The following WDR27 variants were observed in gnomAD, a reference collection of about 807,000 sequenced individuals.
WDR27 encodes WD repeat-containing protein 27.
Under a neutral mutation model 114.4 loss-of-function variants are expected in WDR27, and 100 were observed. The ratio of observed to expected loss-of-function variants is 0.87; its 90% confidence interval spans 0.74 to 1.03. WDR27 has a LOEUF of 1.03. Ranked by LOEUF, WDR27 falls within the 50% of genes least tolerant of loss-of-function variation. The pLI, the probability that WDR27 is intolerant of heterozygous loss-of-function variation, is 0.00. For missense variants in WDR27, 1,129 were observed against 1,092.9 expected (o/e 1.03, Z -0.47); for synonymous variants, 449 against 423.1 (o/e 1.06, Z -0.75).
At chr6:169,698,457 A>T (rs1786872493) in intron 1 of WDR27, among the ~76,000 whole-genome samples, 1 of 152,208 alleles carries the variant, frequency 6.6e-6, no homozygotes, top group African/African-American at 2.4e-5. Flanking sequence ...ACATGAGTCC[A>T]GGGCAGCTAA....
intron 25 of WDR27, among the ~76,000 whole-genome samples, chr6:169,519,704 A>G (rs755698153): frequency 6.6e-6 from 1 of 152,052 alleles, no homozygotes; most frequent in Non-Finnish European, 1.5e-5. Context: ...TATCCAAACT[A>G]TATCACCCCC....
Position 169,638,635 on chromosome 6 carries a change from C to T in WDR27, c.1773G>A (p.Val591=), listed in dbSNP as rs781133806. 3 of 1,605,676 alleles carry T rather than the reference C, an allele frequency of 1.9e-6. No individual in the cohort carries two copies. Among genetic ancestry groups the T allele is most frequent in the Non-Finnish European group, 2.6e-6 (3 of 1,176,108 alleles). Residue 591 remains valine (V), a synonymous_variant, in exon 18 of 26, where the codon GTG becomes GTA. Transcript: ENST00000448612. ...FSGHDGAVNA[V]CWSQDRRWLL... is the part of the protein sequence containing the mutation. The stretch of plus-strand genomic sequence containing the variant: ...GCCACCTCCGGTCCTGGCTCCAGCA[C>T]ACGGCATTCACTGCCCCGTCGTGAC...
intron 25 of WDR27, among the ~76,000 whole-genome samples, chr6:169,563,595 G>C (rs541818189): frequency 3.3e-5 from 5 of 152,214 alleles, no homozygotes; most frequent in South Asian, 2.1e-4. Context: ...GTGCTCACGA[G>C]AGACAAGAGG....
At chr6:169,440,865 C>G in the WDR27 span, among the ~76,000 whole-genome samples, 4 of 152,218 alleles carry the variant, frequency 2.6e-5, no homozygotes, top group Admixed American at 6.5e-5. Flanking sequence ...ATGGCTACAA[C>G]AAGTCTTCCC....
At chr6:169,647,727 A>G (rs760611103) in intron 16 of WDR27, 46 bp downstream of exon 16, 2 of 1,415,734 alleles carry the variant, frequency 1.4e-6, no homozygotes, top group Admixed American at 3.9e-5. Context: ...AGAATCAAAG[A>G]CTCTTACAAT....
chr6:169,514,514 C>A lies in WDR27; in HGVS notation c.2646-56880G>T, dbSNP rs539332743. Among the ~76,000 whole-genome samples, 678 of 131,110 alleles carry A rather than the reference C, an allele frequency of 5.2e-3. 7 individuals carry two copies. Among genetic ancestry groups the A allele is most frequent in the African/African-American group, 0.019 (647 of 34,968 alleles). 86.0% of individuals were successfully genotyped at this position (131,110 alleles called of 152,430 possible). A position where few individuals can be genotyped will look rare whatever the true frequency, so the allele number is the denominator to read the frequency against. The stretch of plus-strand genomic sequence containing the variant: ...TATATATATAATATGTATTTTTTCC[C>A]CAACTATATATATATTTATATATTT... On this transcript the variant is annotated intron_variant, in intron 25 of 25. Transcript: ENST00000448612.
intron 17 of WDR27, among the ~76,000 whole-genome samples, chr6:169,642,010 A>C (rs1819311412): frequency 6.6e-6 from 1 of 152,254 alleles, no homozygotes; most frequent in Non-Finnish European, 1.5e-5. Flanking sequence ...TCTAAAGCAG[A>C]AACACATAAC....
At chr6:169,433,083 GTTGT>G in the WDR27 span, among the ~76,000 whole-genome samples, 2 of 151,988 alleles carry the variant, frequency 1.3e-5, no homozygotes, top group Non-Finnish European at 1.5e-5. Context: ...TTGTTTTTTT[GTTGT>G]TTGTCTGTTT....
At chr6:169,545,488 G>A (rs1336028101) in intron 25 of WDR27, among the ~76,000 whole-genome samples, 1 of 151,998 alleles carries the variant, frequency 6.6e-6, no homozygotes, top group African/African-American at 2.4e-5. Flanking sequence ...TTGAGCCCAG[G>A]AGTTTGAGGT....
At chr6:169,528,166 A>G (rs1228832567) in intron 25 of WDR27, among the ~76,000 whole-genome samples, 3 of 152,244 alleles carry the variant, frequency 2.0e-5, no homozygotes, top group African/African-American at 7.2e-5. Context: ...ACATATTAAT[A>G]AAGTTCTTCT....
chr6:169,648,908 A>G (rs543243197), intron 15 of WDR27, among the ~76,000 whole-genome samples: 1 of 152,374 alleles, frequency 6.6e-6, no homozygotes, highest in East Asian at 1.9e-4. Context: ...ATCCACCTGC[A>G]TGACAGGGAG....
intron 2 of WDR27, among the ~76,000 whole-genome samples, chr6:169,687,102 T>G (rs1413306084): frequency 6.6e-6 from 1 of 152,124 alleles, no homozygotes; most frequent in Non-Finnish European, 1.5e-5. Context: ...TAATAATAAC[T>G]TATTATATAA....
chr6:169,553,955 A>C (rs1798533230), intron 25 of WDR27, among the ~76,000 whole-genome samples: 1 of 152,138 alleles, frequency 6.6e-6, no homozygotes, highest in Admixed American at 6.5e-5. Flanking sequence ...ACAATTCCTA[A>C]ATTCTCTAAA....
At position 169,638,678 on chromosome 6, in the gene WDR27, AGAAG is replaced by A; in HGVS notation, c.1748-22_1748-19del. 6.3e-7 allele frequency: 1 copy of A among 1,588,932 alleles called. No homozygotes were observed. Among genetic ancestry groups the A allele is most frequent in the Non-Finnish European group, 8.6e-7 (1 of 1,167,576 alleles). ...GTCGTGACCTAACAGGAATGACCAC[AGAAG>A]GTTACTATTTCTACTATTAATATCA... On this transcript the variant is annotated intron_variant, in intron 17 of 25. Coordinates refer to ENST00000448612, the MANE Select transcript of WDR27 (RefSeq NM_182552.5).
intron 25 of WDR27, among the ~76,000 whole-genome samples, chr6:169,518,467 G>A (rs200964408): frequency 2.6e-5 from 4 of 151,582 alleles, no homozygotes; most frequent in Non-Finnish European, 4.4e-5. Flanking sequence ...CTTATGGCTT[G>A]TGCCCTCTTA....
At chr6:169,621,283 CACAT>C (rs937224334) in intron 21 of WDR27, among the ~76,000 whole-genome samples, 25 of 152,004 alleles carry the variant, frequency 1.6e-4, no homozygotes, top group African/African-American at 6.0e-4. Flanking sequence ...CACACACACA[CACAT>C]GCACGCACGC....
chr6:169,453,803 G>A (rs1275445244), downstream of WDR27, among the ~76,000 whole-genome samples: 1 of 152,184 alleles, frequency 6.6e-6, no homozygotes, highest in Admixed American at 6.5e-5. Flanking sequence ...CTCATTAAAT[G>A]TAAGATAATT....
rs181246201 is a variant in WDR27 at position 169,464,000 on chromosome 6, T to A, written c.2646-6366A>T. Among the ~76,000 whole-genome samples the A allele has an allele frequency of 8.5e-5, 13 of 152,294 alleles. No individual in the cohort carries two copies. In the East Asian group the frequency reaches 2.5e-3, roughly 29 times the overall value. On this transcript the variant is annotated intron_variant, in intron 25 of 25. Coordinates refer to ENST00000448612, the MANE Select transcript of WDR27 (RefSeq NM_182552.5). The stretch of plus-strand genomic sequence containing the variant: ...AGATTCAATATGATCCCTATCAAAA[T>A]CCCAATGACATTTTTTACAGAAGTA...
intron 25 of WDR27, among the ~76,000 whole-genome samples, chr6:169,565,091 G>T (rs1800253164): frequency 1.3e-5 from 2 of 152,114 alleles, no homozygotes; most frequent in African/African-American, 4.8e-5. Flanking sequence ...TCCCGGCCTG[G>T]GAGTGCAGTC....
Sources: allele counts gnomAD v4.1 joint callset (sites outside exome capture counted in the v4.1 genomes callset), GRCh38; gene constraint gnomAD v4.1.1; transcripts MANE v1.5; gene names NCBI Gene and HGNC (gene_info 2026-07-23, HGNC 2026-07-21).